Variants in ARHGAP42 observed in about 807,000 individuals in gnomAD.
ARHGAP42 encodes rho GTPase-activating protein 42.
ARHGAP42 carries 63 observed loss-of-function variants against 125.0 expected under a neutral mutation model. The observed-to-expected ratio is 0.50, with a 90% confidence interval of 0.41 to 0.62. The LOEUF (loss-of-function observed/expected upper bound fraction) is 0.62. ARHGAP42 is among the 20% of genes least tolerant of loss of function. The pLI, the probability that ARHGAP42 is intolerant of heterozygous loss-of-function variation, is 0.00. For missense variants in ARHGAP42, 766 were observed against 1,024.2 expected (o/e 0.75, Z 3.44); for synonymous variants, 339 against 351.0 (o/e 0.97, Z 0.38).
intron 4 of ARHGAP42, among the ~76,000 whole-genome samples, chr11:100,900,157 C>G (rs1311230901): frequency 6.6e-6 from 1 of 151,978 alleles, no homozygotes; most frequent in Non-Finnish European, 1.5e-5. Context: ...CTTTCTCCTT[C>G]ACTTATGAAA....
chr11:100,713,915 TGTATTTATCA>T (rs1404244727), intron 1 of ARHGAP42, among the ~76,000 whole-genome samples: 9 of 152,206 alleles, frequency 5.9e-5, no homozygotes, highest in African/African-American at 2.2e-4. Context: ...TGAATTTTAC[TGTATTTATCA>T]GTCATCCTTT....
chr11:100,875,103 CTCTCTGTGTGTGTGTGTGTGTGTGTG>C (rs1357239866), intron 4 of ARHGAP42, among the ~76,000 whole-genome samples: 2 of 52,894 alleles, frequency 3.8e-5, no homozygotes, highest in African/African-American at 1.1e-4. Flanking sequence ...CTCTCTCTCT[CTCTCTGTGTGTGTGTGTGTGTGTGTG>C]TGTGTGTGTG....
intron 3 of ARHGAP42, among the ~76,000 whole-genome samples, chr11:100,822,815 T>A (rs1043988380): frequency 1.3e-5 from 2 of 152,152 alleles, no homozygotes; most frequent in African/African-American, 4.8e-5. Flanking sequence ...GTGGGAGACA[T>A]CTTTAGATAA....
intron 4 of ARHGAP42, among the ~76,000 whole-genome samples, chr11:100,870,506 A>G (rs543661913): frequency 6.6e-6 from 1 of 152,356 alleles, no homozygotes; most frequent in South Asian, 2.1e-4. Flanking sequence ...TGACATTGCT[A>G]TACGCATTAC....
At chr11:100,717,593 T>C (rs7926526) in intron 1 of ARHGAP42, among the ~76,000 whole-genome samples, 77,032 of 141,210 alleles carry the variant, frequency 0.55, 21,106 homozygotes, top group African/African-American at 0.67. Context: ...GCCGAGATTG[T>C]GCCACTGCAC....
intron 3 of ARHGAP42, among the ~76,000 whole-genome samples, chr11:100,846,831 G>A (rs902162364): frequency 6.6e-6 from 1 of 152,116 alleles, no homozygotes; most frequent in Admixed American, 6.6e-5. Context: ...AAATGAGTAA[G>A]AGGTGTTCAG....
chr11:100,794,859 A>G (rs1019397061), intron 2 of ARHGAP42, among the ~76,000 whole-genome samples: 1 of 152,148 alleles, frequency 6.6e-6, no homozygotes, highest in Non-Finnish European at 1.5e-5. Context: ...TATTGTTGGT[A>G]CTTGCTAAGC....
chr11:100,835,494 C>T (rs1318432251), intron 3 of ARHGAP42, among the ~76,000 whole-genome samples: 2 of 152,038 alleles, frequency 1.3e-5, no homozygotes, highest in Non-Finnish European at 2.9e-5. Flanking sequence ...CTTTTCTAAA[C>T]ATCACTGTTT....
At chr11:100,774,109 C>T (rs948370206) in intron 2 of ARHGAP42, among the ~76,000 whole-genome samples, 1 of 152,134 alleles carries the variant, frequency 6.6e-6, no homozygotes, top group Non-Finnish European at 1.5e-5. Flanking sequence ...CCCACATATA[C>T]TCTAAACAGT....
intron 3 of ARHGAP42, among the ~76,000 whole-genome samples, chr11:100,832,434 G>A (rs1299257296): frequency 1.3e-5 from 2 of 152,152 alleles, no homozygotes; most frequent in Non-Finnish European, 2.9e-5. Context: ...ATAAACTGAT[G>A]TATTTGTTTT....
In ARHGAP42 at chr11:100,921,710, TAAAAA is replaced by T; in HGVS notation, c.597+107_597+111del. 5.5e-6 allele frequency: 4 copies of T among 726,822 alleles called. 1 individual carries two copies. The highest frequency in any genetic ancestry group is 4.5e-5 in the South Asian group (2 of 44,624). The allele number at this position is 726,822 out of a possible 1,614,324, so 45.0% of individuals were successfully genotyped here. Reference sequence around the variant, plus strand: ...AATTTTTCTTGAAAATTATGATTGATAAAAATAAAAGGGGAGTGGGAAGGGATGAA... The same window carrying T: ...AATTTTTCTTGAAAATTATGATTGATTAAAAGGGGAGTGGGAAGGGATGAA... On this transcript the variant is annotated intron_variant, in intron 6 of 23. Transcript: ENST00000298815.
intron 9 of ARHGAP42, 71 bp from the exon 10 acceptor site, chr11:100,943,688 G>C: frequency 9.4e-7 from 1 of 1,060,754 alleles, no homozygotes; most frequent in Non-Finnish European, 1.4e-6. Context: ...GTGGCAACTT[G>C]AGCTCACATA....
chr11:100,735,895 C>A (rs375156133), intron 1 of ARHGAP42, among the ~76,000 whole-genome samples: 1 of 152,124 alleles, frequency 6.6e-6, no homozygotes, highest in Non-Finnish European at 1.5e-5. Context: ...GGATTACAGG[C>A]GTGAGCTACC....
intron 1 of ARHGAP42, among the ~76,000 whole-genome samples, chr11:100,735,183 C>T (rs909466960): frequency 5.9e-5 from 9 of 152,196 alleles, no homozygotes; most frequent in Non-Finnish European, 1.2e-4. Context: ...CCATCTTGCT[C>T]TGATTTTTTC....
At chr11:100,801,836 GC>G (rs1863859959) in intron 3 of ARHGAP42, among the ~76,000 whole-genome samples, 1 of 152,208 alleles carries the variant, frequency 6.6e-6, no homozygotes, top group Non-Finnish European at 1.5e-5. Flanking sequence ...GCAGAGATCA[GC>G]ATTTTAATGG....
chr11:100,920,807 A>C (rs1236424786), intron 5 of ARHGAP42, among the ~76,000 whole-genome samples: 1 of 152,114 alleles, frequency 6.6e-6, no homozygotes, highest in African/African-American at 2.4e-5. Flanking sequence ...AGAGCCATTG[A>C]ATTTTTATTT....
At chr11:100,873,916 A>G (rs1174749882) in intron 4 of ARHGAP42, among the ~76,000 whole-genome samples, 4 of 152,220 alleles carry the variant, frequency 2.6e-5, no homozygotes, top group Non-Finnish European at 5.9e-5. Context: ...CTGCATTTCA[A>G]GAAGACAGCT....
intron 1 of ARHGAP42, among the ~76,000 whole-genome samples, chr11:100,732,366 T>C (rs1417258184): frequency 6.6e-6 from 1 of 152,194 alleles, no homozygotes; most frequent in Non-Finnish European, 1.5e-5. Context: ...AAGTTTTGAA[T>C]GGATGATGAT....
intron 3 of ARHGAP42, among the ~76,000 whole-genome samples, chr11:100,807,499 T>C (rs1864026375): frequency 6.6e-6 from 1 of 152,142 alleles, no homozygotes; most frequent in African/African-American, 2.4e-5. Flanking sequence ...TCCGGCCTTT[T>C]TATATACATG....
Sources: gnomAD v4.1 joint callset for allele counts (sites outside exome capture counted in the v4.1 genomes callset) on GRCh38, gnomAD v4.1.1 for gene constraint, MANE v1.5 for transcripts, NCBI Gene and HGNC (gene_info 2026-07-23, HGNC 2026-07-21) for gene names.